The following TEK variants were observed in gnomAD, a reference collection of about 807,000 sequenced individuals.
TEK encodes TEK receptor tyrosine kinase.
A neutral mutation model predicts 131.8 loss-of-function variants in TEK; 43 were observed. The ratio of observed to expected loss-of-function variants is 0.33; its 90% CI spans 0.26 to 0.42. The LOEUF (loss-of-function observed/expected upper bound fraction) is 0.42. Among genes scored for constraint, TEK ranks in the 10% least tolerant of loss-of-function variants. The probability of loss-of-function intolerance (pLI) is 1.00; values close to 1 mark genes in which losing one functional copy is unlikely to be tolerated. For synonymous variants in TEK, 580 were observed against 491.6 expected (o/e 1.18, Z -2.38); for missense variants, 1,162 against 1,384.4 (o/e 0.84, Z 2.55).
rs532484070 is a variant in TEK at position 27,109,406 on chromosome 9, C to T, written c.-185C>T. ...AAACAGGAAAAAGGAACTTAAAACTCCCTGTGCTCAGACAGAAATGAGACT... is the reference window on the plus strand; with the variant it reads ...AAACAGGAAAAAGGAACTTAAAACTTCCTGTGCTCAGACAGAAATGAGACT... On this transcript the variant is annotated 5_prime_UTR_variant, in exon 1 of 23. Transcript: ENST00000380036. The T allele has an allele frequency of 1.4e-6, 1 of 697,440 alleles. No homozygotes were observed. The highest frequency in any genetic ancestry group is 1.7e-5 in the South Asian group (1 of 58,244). The allele number at this position is 697,440 out of a possible 1,614,324, so 43.2% of individuals were successfully genotyped here.
At chr9:27,135,961 T>C (rs1822413006) in intron 1 of TEK, among the ~76,000 whole-genome samples, 1 of 152,232 alleles carries the variant, frequency 6.6e-6, no homozygotes, top group South Asian at 2.1e-4. Flanking sequence ...GTTCTGTGTG[T>C]ACCGTACCGT....
At chr9:27,174,565 GC>G (rs1473898148) in intron 6 of TEK, among the ~76,000 whole-genome samples, 2 of 152,128 alleles carry the variant, frequency 1.3e-5, no homozygotes, top group African/African-American at 4.8e-5. Context: ...GTTTGGACTA[GC>G]TATATTTTAA....
chr9:27,109,502 A>G lies in TEK; in HGVS notation c.-89A>G. 7.3e-7 allele frequency: 1 copy of G among 1,368,996 alleles called. No homozygotes were observed. Among genetic ancestry groups the G allele is most frequent in the Non-Finnish European group, 1.0e-6 (1 of 956,724 alleles). The allele number at this position is 1,368,996 out of a possible 1,614,324, so 84.8% of individuals were successfully genotyped here. On this transcript the variant is annotated 5_prime_UTR_variant, in exon 1 of 23. An upstream start codon of the reference 5' UTR is lost. Transcript: ENST00000380036. The stretch of plus-strand genomic sequence containing the variant: ...AACAAGACGTAGTAGGACGATGCTA[A>G]TGGAAAGTCACAAACCGCTGGGTTT...
intron 1 of TEK, among the ~76,000 whole-genome samples, chr9:27,131,819 AAG>A: frequency 6.6e-6 from 1 of 152,022 alleles, no homozygotes; most frequent in Non-Finnish European, 1.5e-5. Flanking sequence ...AAAAAAAAGA[AAG>A]AAATTTGATA....
intron 1 of TEK, among the ~76,000 whole-genome samples, chr9:27,135,102 G>A (rs1822370848): frequency 9.4e-6 from 1 of 106,716 alleles, no homozygotes; most frequent in Non-Finnish European, 2.1e-5. Flanking sequence ...GTGCATGCCT[G>A]TAATCCCGCT....
In TEK at chr9:27,187,662, G is replaced by A. The variant is rs962522835; in HGVS notation, c.1327+2033G>A. Among the ~76,000 whole-genome samples the A allele has an allele frequency of 4.6e-5, 7 of 152,272 alleles. No individual in the cohort carries two copies. The South Asian group carries it at 1.5e-3, about 32-fold the overall frequency. On this transcript the variant is annotated intron_variant, in intron 9 of 22. Coordinates refer to ENST00000380036, the MANE Select transcript of TEK (RefSeq NM_000459.5). ...TACAGGCTGAGTGGCTTAAGCAACA[G>A]GAATTTATTTTCTCATAATTCTGGA... is the stretch of plus-strand genomic sequence containing the variant.
Position 27,229,341 on chromosome 9 carries a change from A to T in TEK, c.*109A>T. The T allele has an allele frequency of 9.4e-7, 1 of 1,066,644 alleles. No individual in the cohort carries two copies. The highest frequency in any genetic ancestry group is 1.5e-6 in the Non-Finnish European group (1 of 688,450). 66.1% of individuals were successfully genotyped at this position (1,066,644 alleles called of 1,614,324 possible). A position where few individuals can be genotyped will look rare whatever the true frequency, so the allele number is the denominator to read the frequency against. On this transcript the variant is annotated 3_prime_UTR_variant, in exon 23 of 23. Coordinates refer to ENST00000380036, the MANE Select transcript of TEK (RefSeq NM_000459.5). ...AAGGATGTGATATATAAGTGTACAT[A>T]TGTGCTGTACACCTGGGACCTTCAC...
chr9:27,181,630 C>T (rs1379274156), intron 7 of TEK, among the ~76,000 whole-genome samples: 1 of 152,060 alleles, frequency 6.6e-6, no homozygotes, highest in Non-Finnish European at 1.5e-5. Context: ...AATTTTGGAT[C>T]ACAGCCACCT....
intron 1 of TEK, among the ~76,000 whole-genome samples, chr9:27,154,513 A>T (rs1823253198): frequency 6.6e-6 from 1 of 152,204 alleles, no homozygotes; most frequent in Non-Finnish European, 1.5e-5. Context: ...TCTTCCTTTT[A>T]CCATTGTGCC....
In TEK at chr9:27,167,334, TCTC is replaced by T. The variant is rs1428156516; in HGVS notation, c.365-1158_365-1156del. Among the ~76,000 whole-genome samples, 3 of 152,154 alleles carry T rather than the reference TCTC, an allele frequency of 2.0e-5. No homozygotes were observed. In the East Asian group the frequency reaches 5.8e-4, roughly 29 times the overall value. On this transcript the variant is annotated intron_variant, in intron 2 of 22. Transcript: ENST00000380036. ...TCTCCGCCTCCCGGATTCAAGCAAT[TCTC>T]CTACCTCAGCCTCCCGAGTAGCTGG...
rs1824000672 is a variant in TEK, at chr9:27,172,626, C to T, written c.639C>T (p.Ala213=). ...TTTCCTTAACAAAAGGATGTGAAGCCCAGAAGTGGGGACCTGAATGCAACC... is the reference window on the plus strand; with the variant it reads ...TTTCCTTAACAAAAGGATGTGAAGCTCAGAAGTGGGGACCTGAATGCAACC... ...FTRLIVRRCE[A]QKWGPECNHL... is the part of the protein sequence containing the mutation. The change falls in exon 5 of 23, where the codon GCC becomes GCT. Residue 213 remains alanine, a synonymous_variant. Coordinates refer to ENST00000380036, the MANE Select transcript of TEK (RefSeq NM_000459.5). 1 of 1,613,582 alleles carries T rather than the reference C, an allele frequency of 6.2e-7. No homozygotes were observed. The highest frequency in any genetic ancestry group is 1.1e-5 in the South Asian group (1 of 91,068).
chr9:27,226,432 G>A (rs1045182068), intron 21 of TEK, among the ~76,000 whole-genome samples: 2 of 152,196 alleles, frequency 1.3e-5, no homozygotes, highest in South Asian at 2.1e-4. Flanking sequence ...TCCTTTGGAC[G>A]GACATGGATG....
intron 21 of TEK, 90 bp from the exon 22 acceptor site, chr9:27,228,116 G>C: frequency 9.4e-7 from 1 of 1,063,520 alleles, no homozygotes; most frequent in African/African-American, 1.6e-5. Flanking sequence ...ACCATGCATT[G>C]GGTGGCTTCA....
In TEK at chr9:27,185,551, C is replaced by A. The variant is rs149712446; in HGVS notation, c.1249C>A (p.Pro417Thr). 4.8e-5 allele frequency: 78 copies of A among 1,613,842 alleles called. No homozygotes were observed. The highest frequency in any genetic ancestry group is 3.3e-4 in the African/African-American group (25 of 74,990). ...AIFTIHRILP[P>T]DSGVWVCSVN... ...ATTCACCATCCACCGGATCCTCCCC[C>A]CTGACTCAGGAGTTTGGGTCTGCAG... is the stretch of plus-strand genomic sequence containing the variant. The change falls in exon 9 of 23, where the codon CCT (proline) becomes ACT (threonine). Residue 417 changes from proline (P) to threonine (T), a missense_variant. Coordinates refer to ENST00000380036, the MANE Select transcript of TEK (RefSeq NM_000459.5).
At chr9:27,138,300 G>T (rs983904788) in intron 1 of TEK, among the ~76,000 whole-genome samples, 3 of 152,176 alleles carry the variant, frequency 2.0e-5, no homozygotes, top group African/African-American at 4.8e-5. Context: ...CCCACATCCT[G>T]CTGATTGGTC....
At chr9:27,197,264 C>T in intron 11 of TEK, 51 bp from the exon 12 acceptor site, 1 of 1,595,926 alleles carries the variant, frequency 6.3e-7, no homozygotes, top group Non-Finnish European at 8.6e-7. Context: ...GACACTAATC[C>T]AAACTATATC....
At chr9:27,120,873 C>A (rs969087641) in intron 1 of TEK, among the ~76,000 whole-genome samples, 1 of 152,174 alleles carries the variant, frequency 6.6e-6, no homozygotes, top group Non-Finnish European at 1.5e-5. Flanking sequence ...GATACAGGCA[C>A]CTTGGTACTT....
chr9:27,136,526 G>A (rs1822447206), intron 1 of TEK, among the ~76,000 whole-genome samples: 1 of 152,200 alleles, frequency 6.6e-6, no homozygotes, highest in South Asian at 2.1e-4. Context: ...AACTAAGAAC[G>A]GGAGCAATTT....
chr9:27,164,745 A>G (rs1310914973), intron 2 of TEK, among the ~76,000 whole-genome samples: 4 of 152,088 alleles, frequency 2.6e-5, no homozygotes, highest in Non-Finnish European at 5.9e-5. Context: ...TGTGTTGCCT[A>G]GGCTGGTCTC....
Sources: gnomAD v4.1 joint callset for allele counts (sites outside exome capture counted in the v4.1 genomes callset) on GRCh38, gnomAD v4.1.1 for gene constraint, MANE v1.5 for transcripts, NCBI Gene and HGNC (gene_info 2026-07-23, HGNC 2026-07-21) for gene names.